RASGEF1B: variants seen among roughly 807,000 people sequenced by gnomAD.
RASGEF1B encodes the protein RasGEF domain family member 1B.
In RASGEF1B, 30 loss-of-function variants were observed where a neutral mutation model predicts 65.7. The observed-to-expected ratio is 0.46, with a 90% CI of 0.34 to 0.62. The LOEUF is 0.62. RASGEF1B is among the 20% of genes least tolerant of loss of function. The pLI is 0.01. For synonymous variants in RASGEF1B, 175 were observed against 194.8 expected (o/e 0.90, Z 0.85); for missense variants, 495 against 580.1 (o/e 0.85, Z 1.51).
chr4:81,442,976 T>C (rs984534288), intron 8 of RASGEF1B, among the ~76,000 whole-genome samples: 1 of 152,258 alleles, frequency 6.6e-6, no homozygotes, highest in African/African-American at 2.4e-5. Flanking sequence ...TACTATCTCA[T>C]ACATCCCCTC....
At chr4:81,433,105 C>G (rs905562315) in intron 12 of RASGEF1B, among the ~76,000 whole-genome samples, 1 of 151,166 alleles carries the variant, frequency 6.6e-6, no homozygotes, top group African/African-American at 2.4e-5. Flanking sequence ...GGTGCACGCC[C>G]GTACTCCCAG....
chr4:81,452,048 C>T (rs1211991364), intron 4 of RASGEF1B: 4 of 152,266 alleles, frequency 2.6e-5, no homozygotes, highest in Admixed American at 2.0e-4. Flanking sequence ...TCAGCTGATC[C>T]TTGTATAAGC....
At position 81,435,138 on chromosome 4, in the gene RASGEF1B, A is replaced by G. The variant is rs370369551; in HGVS notation, c.1105-404T>C. On this transcript the variant is annotated intron_variant, in intron 10 of 13. Transcript: ENST00000264400. ...TAGAATACCTATCATTGGGCCGGGC[A>G]CGGTGGCTCACGCCTGTAATCCCAG... Among the ~76,000 whole-genome samples, 24 of 152,158 alleles carry G rather than the reference A, an allele frequency of 1.6e-4. 1 individual carries two copies. The highest frequency in any genetic ancestry group is 1.2e-3 in the South Asian group (6 of 4,822).
intron 12 of RASGEF1B, 84 bp downstream of exon 12, chr4:81,433,756 T>C (rs2109966337): frequency 7.0e-7 from 1 of 1,431,888 alleles, no homozygotes; most frequent in South Asian, 1.2e-5. Flanking sequence ...CTCATTACTA[T>C]ATGAGTAACC....
chr4:81,460,008 C>T (rs146095858), intron 1 of RASGEF1B, among the ~76,000 whole-genome samples: 1 of 152,286 alleles, frequency 6.6e-6, no homozygotes, highest in Non-Finnish European at 1.5e-5. Flanking sequence ...CAAAGTAGGC[C>T]TAGAGTTGAA....
chr4:81,466,783 AAAGAAAG>A (rs1428042501), intron 1 of RASGEF1B, among the ~76,000 whole-genome samples: 34 of 142,586 alleles, frequency 2.4e-4, no homozygotes, highest in African/African-American at 8.7e-4. Flanking sequence ...AGAAAGAAAG[AAAGAAAG>A]AAAGAAAGAA....
At chr4:81,451,383 C>T (rs566438349) in intron 4 of RASGEF1B, 4 of 152,262 alleles carry the variant, frequency 2.6e-5, no homozygotes, top group Admixed American at 2.0e-4. Flanking sequence ...ATACAGCTAC[C>T]TACATTGACA....
intron 10 of RASGEF1B, among the ~76,000 whole-genome samples, chr4:81,440,056 G>C (rs1721782871): frequency 6.6e-6 from 1 of 152,116 alleles, no homozygotes; most frequent in South Asian, 2.1e-4. Flanking sequence ...TTTATTTGTG[G>C]AAGATATAGT....
chr4:81,471,612 G>T (rs560740044), intron 1 of RASGEF1B, among the ~76,000 whole-genome samples, 158 bp downstream of exon 1: 2 of 152,272 alleles, frequency 1.3e-5, no homozygotes, highest in South Asian at 4.1e-4. Context: ...CGCCGCCTCG[G>T]AGCGCACCCG....
intron 1 of RASGEF1B, among the ~76,000 whole-genome samples, chr4:81,471,393 T>C (rs1723017092): frequency 6.6e-6 from 1 of 152,164 alleles, no homozygotes; most frequent in African/African-American, 2.4e-5. Flanking sequence ...ACAGAAGGCC[T>C]GGCTGCAGGA....
chr4:81,437,545 G>C (rs1477065824), intron 10 of RASGEF1B, among the ~76,000 whole-genome samples: 1 of 152,160 alleles, frequency 6.6e-6, no homozygotes, highest in East Asian at 1.9e-4. Context: ...TTCATGCAGT[G>C]CTGATCATTT....
intron 1 of RASGEF1B, among the ~76,000 whole-genome samples, chr4:81,471,467 C>T (rs187567720): frequency 1.3e-5 from 2 of 152,158 alleles, no homozygotes; most frequent in African/African-American, 4.8e-5. Flanking sequence ...CGGGTCCCAG[C>T]GGCTCGGCCT....
At chr4:81,465,161 G>C (rs550906997) in intron 1 of RASGEF1B, among the ~76,000 whole-genome samples, 3 of 151,700 alleles carry the variant, frequency 2.0e-5, no homozygotes, top group African/African-American at 2.4e-5. Context: ...TGAGTTAAGA[G>C]AATAAAATAA....
chr4:81,468,771 TAGTCCACCTCTA>T lies in RASGEF1B; in HGVS notation c.-7+2987_-7+2998del, dbSNP rs374686108. 3.2e-4 allele frequency among the ~76,000 whole-genome samples: 48 copies of T among 152,356 alleles called. 1 individual carries two copies. Among genetic ancestry groups the T allele is most frequent in the African/African-American group, 1.1e-3 (45 of 41,576 alleles). ...AACTGCAAATCACTTGTCCCTTCAT[TAGTCCACCTCTA>T]AGACAGGGTGTAAATGCATGAAGCG... On this transcript the variant is annotated intron_variant, in intron 1 of 13. Coordinates refer to ENST00000264400, the MANE Select transcript of RASGEF1B (RefSeq NM_152545.3).
At chr4:81,460,970 T>C (rs953858432) in intron 1 of RASGEF1B, among the ~76,000 whole-genome samples, 1 of 152,150 alleles carries the variant, frequency 6.6e-6, no homozygotes, top group African/African-American at 2.4e-5. Flanking sequence ...AGGTAGCACA[T>C]AGTCATAGCA....
At chr4:81,450,971 C>A (rs1722237836) in intron 4 of RASGEF1B, 1 of 152,198 alleles carries the variant, frequency 6.6e-6, no homozygotes, top group African/African-American at 2.4e-5. Context: ...GATACTACTT[C>A]TAATAATTAT....
rs1721234679 is a variant in RASGEF1B, at chr4:81,426,743, A to G, written c.*1025T>C. ...TTTACTGCTATAGTGGGGACAGGTAACTTCTCCAATTTATTCTTTGTTGAC... is the reference window on the plus strand; with the variant it reads ...TTTACTGCTATAGTGGGGACAGGTAGCTTCTCCAATTTATTCTTTGTTGAC... On this transcript the variant is annotated 3_prime_UTR_variant, in exon 14 of 14. Transcript: ENST00000264400. The G allele has an allele frequency of 1.3e-5, 2 of 152,216 alleles. No homozygotes were observed. Among genetic ancestry groups the G allele is most frequent in the East Asian group, 3.9e-4 (2 of 5,174 alleles). 9.4% of individuals were successfully genotyped at this position (152,216 alleles called of 1,614,324 possible).
intron 1 of RASGEF1B, among the ~76,000 whole-genome samples, chr4:81,464,340 A>T (rs929024029): frequency 1.3e-5 from 2 of 152,246 alleles, no homozygotes; most frequent in African/African-American, 4.8e-5. Flanking sequence ...CAAGTTAAAT[A>T]CTGGCATTAA....
intron 1 of RASGEF1B, among the ~76,000 whole-genome samples, chr4:81,461,671 G>T (rs1722648817): frequency 6.6e-6 from 1 of 152,190 alleles, no homozygotes; most frequent in African/African-American, 2.4e-5. Context: ...GTGGTCTAAA[G>T]GCCTGAGGAT....
Sources: gnomAD v4.1 joint callset for allele counts (sites outside exome capture counted in the v4.1 genomes callset) on GRCh38, gnomAD v4.1.1 for gene constraint, MANE v1.5 for transcripts, NCBI Gene and HGNC (gene_info 2026-07-23, HGNC 2026-07-21) for gene names.